The following PHACTR3 variants were observed in gnomAD, a reference collection of about 807,000 sequenced individuals.
The protein encoded by PHACTR3 is phosphatase and actin regulator 3, also known as protein phosphatase 1, regulatory subunit 123.
Under a neutral mutation model 66.8 loss-of-function variants are expected in PHACTR3, and 16 were observed. The observed-to-expected ratio is 0.24, with a 90% CI of 0.16 to 0.36. The LOEUF is 0.36. Ranked by LOEUF, PHACTR3 falls within the 10% of genes least tolerant of loss-of-function variation. The pLI is 1.00. For synonymous variants in PHACTR3, 323 were observed against 292.1 expected (o/e 1.11, Z -1.08); for missense variants, 647 against 719.9 (o/e 0.90, Z 1.16).
At chr20:59,599,515 C>T (rs1374466488) in intron 1 of PHACTR3, among the ~76,000 whole-genome samples, 4 of 147,696 alleles carry the variant, frequency 2.7e-5, no homozygotes, top group Non-Finnish European at 4.4e-5. Flanking sequence ...GCAGCAGACT[C>T]TTCCACATCA....
chr20:59,635,876 C>T (rs1474655422), intron 1 of PHACTR3, among the ~76,000 whole-genome samples: 1 of 152,202 alleles, frequency 6.6e-6, no homozygotes, highest in Non-Finnish European at 1.5e-5. Context: ...CTCCGGGCTG[C>T]ACACAGTTGG....
chr20:59,599,945 C>T (rs1349909499), upstream of PHACTR3, among the ~76,000 whole-genome samples: 1 of 152,184 alleles, frequency 6.6e-6, no homozygotes, highest in East Asian at 1.9e-4. Context: ...CAGAAGGATG[C>T]TCTGGAGACC....
At chr20:59,769,858 G>T (rs1276853351) in intron 5 of PHACTR3, among the ~76,000 whole-genome samples, 2 of 152,176 alleles carry the variant, frequency 1.3e-5, no homozygotes, top group African/African-American at 4.8e-5. Flanking sequence ...ATGCAACATG[G>T]CCACATAAAT....
chr20:59,691,131 G>T (rs1025964184), intron 1 of PHACTR3, among the ~76,000 whole-genome samples: 7 of 152,214 alleles, frequency 4.6e-5, no homozygotes, highest in African/African-American at 1.7e-4. Flanking sequence ...ACTAGTTGAG[G>T]CTGGGTAAGT....
intron 1 of PHACTR3, among the ~76,000 whole-genome samples, chr20:59,652,551 T>G (rs1010451644): frequency 2.0e-5 from 3 of 152,148 alleles, no homozygotes; most frequent in African/African-American, 7.2e-5. Context: ...GAGTGAGACC[T>G]TATCTCTTAA....
intron 11 of PHACTR3, chr20:59,844,316 C>A (rs535074680): frequency 6.6e-6 from 1 of 152,010 alleles, no homozygotes; most frequent in African/African-American, 2.4e-5. Context: ...TAGGTATACA[C>A]GCAAAGGAAA....
intron 1 of PHACTR3, among the ~76,000 whole-genome samples, chr20:59,580,022 T>A (rs1200367365): frequency 1.3e-5 from 2 of 152,110 alleles, no homozygotes; most frequent in Non-Finnish European, 2.9e-5. Flanking sequence ...CTGTTTACAC[T>A]GGGCCATTGC....
At chr20:59,821,911 G>A (rs754419797) in intron 8 of PHACTR3, among the ~76,000 whole-genome samples, 11 of 151,314 alleles carry the variant, frequency 7.3e-5, no homozygotes, top group Non-Finnish European at 1.3e-4. Context: ...GAGGAACCCT[G>A]AGAGGCGCTG....
chr20:59,654,808 A>G (rs2035564600), intron 1 of PHACTR3, among the ~76,000 whole-genome samples: 1 of 152,090 alleles, frequency 6.6e-6, no homozygotes, highest in South Asian at 2.1e-4. Context: ...AGATTATCAC[A>G]TAAGTGCAGT....
At chr20:59,623,850 T>C (rs1340497962) in intron 1 of PHACTR3, among the ~76,000 whole-genome samples, 3 of 152,150 alleles carry the variant, frequency 2.0e-5, no homozygotes, top group African/African-American at 7.2e-5. Context: ...GGTTTTTGTC[T>C]GTATCCTATG....
intron 1 of PHACTR3, among the ~76,000 whole-genome samples, chr20:59,579,091 G>A (rs1258022550): frequency 6.6e-6 from 1 of 152,202 alleles, no homozygotes; most frequent in Non-Finnish European, 1.5e-5. Flanking sequence ...CAGTGCATGA[G>A]TACTAAGAAC....
In PHACTR3 at chr20:59,841,497, G is replaced by A. The variant is rs916859221; in HGVS notation, c.1549G>A (p.Ala517Thr). ...AAAAGCGCAGGACTATGACAGGAGG[G>A]CAGACAAACCCTGGACGAGACTGTC... ...VAKAQDYDRR[A>T]DKPWTRLSAA... Residue 517 changes from alanine (A) to threonine (T), a missense_variant, in exon 11 of 13, where the codon GCA (alanine) becomes ACA (threonine). Around this residue, in one of 2 missense-constraint regions of PHACTR3, gnomAD observed 70 missense variants for 148.8 expected, o/e 0.47. Coordinates refer to ENST00000371015, the MANE Select transcript of PHACTR3 (RefSeq NM_080672.5). 1 of 1,613,326 alleles carries A rather than the reference G, an allele frequency of 6.2e-7. No individual in the cohort carries two copies. The highest frequency in any genetic ancestry group is 1.3e-5 in the African/African-American group (1 of 74,886).
intron 4 of PHACTR3, among the ~76,000 whole-genome samples, chr20:59,762,010 A>C (rs1002118932): frequency 6.6e-6 from 1 of 152,240 alleles, no homozygotes; most frequent in Non-Finnish European, 1.5e-5. Flanking sequence ...CAAGATTCCA[A>C]AATACAACGG....
intron 1 of PHACTR3, among the ~76,000 whole-genome samples, chr20:59,659,906 C>T (rs1276594767): frequency 1.3e-5 from 2 of 152,328 alleles, no homozygotes; most frequent in South Asian, 2.1e-4. Context: ...TCTAGTCCCA[C>T]TGGAGTGCTC....
At chr20:59,826,779 T>C (rs988138923) in intron 8 of PHACTR3, among the ~76,000 whole-genome samples, 23 of 152,150 alleles carry the variant, frequency 1.5e-4, no homozygotes, top group African/African-American at 5.5e-4. Context: ...TTTGCACACA[T>C]GTTCTTGGCC....
rs1175236912 is a variant in PHACTR3 at position 59,830,828 on chromosome 20, A to G, written c.1329-5677A>G. Among the ~76,000 whole-genome samples the G allele has an allele frequency of 6.6e-6, 1 of 152,196 alleles. No homozygotes were observed. Among genetic ancestry groups the G allele is most frequent in the African/African-American group, 2.4e-5 (1 of 41,440 alleles). ...CGCCATCACCCAGCTGGCAGGGGTC[A>G]GAGCTGGAACTGGAATCCTAGCTCT... On this transcript the variant is annotated intron_variant, in intron 8 of 12. Coordinates refer to ENST00000371015, the MANE Select transcript of PHACTR3 (RefSeq NM_080672.5). The surrounding 1 kb of genome is among the most constrained non-coding windows in gnomAD (Gnocchi z 5.8).
At chr20:59,826,572 G>A (rs1811529775) in intron 8 of PHACTR3, among the ~76,000 whole-genome samples, 1 of 151,246 alleles carries the variant, frequency 6.6e-6, no homozygotes, top group African/African-American at 2.4e-5. Flanking sequence ...ACACCCTCCT[G>A]GCCCTGCCTC....
At chr20:59,754,464 AC>A (rs1329745255) in intron 3 of PHACTR3, among the ~76,000 whole-genome samples, 1 of 152,058 alleles carries the variant, frequency 6.6e-6, no homozygotes, top group Admixed American at 6.5e-5. Context: ...AGAGTGTGAG[AC>A]CCCTGGGGGC....
rs747815161 is a variant in PHACTR3, at chr20:59,774,282, G to A, written c.966G>A (p.Arg322=). 2 of 1,608,656 alleles carry A rather than the reference G, an allele frequency of 1.2e-6. No homozygotes were observed. Among genetic ancestry groups the A allele is most frequent in the Non-Finnish European group, 8.5e-7 (1 of 1,177,942 alleles). ...AAAGTAAAGGGTCTCCAAAGAAGCG[G>A]CTGGATGTCCGTCTGTCGAGAACGT... ...GRESKGSPKK[R]LDVRLSRTSS... The change falls in exon 7 of 13, where the codon CGG becomes CGA. Residue 322 remains arginine, a synonymous_variant. Coordinates refer to ENST00000371015, the MANE Select transcript of PHACTR3 (RefSeq NM_080672.5).
Sources: allele counts gnomAD v4.1 joint callset (sites outside exome capture counted in the v4.1 genomes callset), GRCh38; gene constraint gnomAD v4.1.1; regional missense constraint gnomAD v4.1.1; non-coding constraint Gnocchi (gnomAD v3.1); transcripts MANE v1.5; gene names NCBI Gene and HGNC (gene_info 2026-07-23, HGNC 2026-07-21).